HPS1: variants seen among roughly 807,000 people sequenced by gnomAD.
HPS1 encodes BLOC-3 complex member HPS1.
HPS1 carries 59 observed loss-of-function variants against 90.6 expected under a neutral mutation model. The observed-to-expected ratio is 0.65, with a 90% confidence interval of 0.53 to 0.81. HPS1 has a LOEUF of 0.81. Among genes scored for constraint, HPS1 ranks in the 30% least tolerant of loss-of-function variants. HPS1 has a pLI of 0.00. For missense variants in HPS1, 849 were observed against 896.7 expected (o/e 0.95, Z 0.68); for synonymous variants, 388 against 384.4 (o/e 1.01, Z -0.11).
Position 98,435,615 on chromosome 10 carries a change from C to T in HPS1, c.255+20G>A, listed in dbSNP as rs762289561. 11 of 1,613,810 alleles carry T rather than the reference C, an allele frequency of 6.8e-6. No individual in the cohort carries two copies. The East Asian group carries it at 8.9e-5, about 13-fold the overall frequency. On this transcript the variant is annotated intron_variant, in intron 4 of 19. Transcript: ENST00000361490. This position sits in a 1 kb window ranked among gnomAD's most constrained non-coding sequence, Gnocchi z 4.3. The stretch of plus-strand genomic sequence containing the variant: ...CAAGCTGAGGGAAGAGGAACATGGG[C>T]CCCAGAGCTATAGACTCACCAGGTG...
chr10:98,431,460 T>G, intron 6 of HPS1, 169 bp from the exon 7 acceptor site: 2 of 663,908 alleles, frequency 3.0e-6, no homozygotes, highest in South Asian at 3.8e-5. Flanking sequence ...TCCTGAGGCT[T>G]ACTGTCTGGT....
At chr10:98,431,059 TC>T (rs1251628648) in intron 7 of HPS1, 71 bp downstream of exon 7, 2 of 1,521,454 alleles carry the variant, frequency 1.3e-6, no homozygotes, top group Admixed American at 1.8e-5. Flanking sequence ...GTGGTGCTTT[TC>T]AGGCAGAGGC....
In HPS1 at chr10:98,418,255, C is replaced by G; in HGVS notation, c.1860G>C (p.Gly620=). 6.2e-7 allele frequency: 1 copy of G among 1,602,360 alleles called. No homozygotes were observed. The highest frequency in any genetic ancestry group is 1.7e-5 in the Admixed American group (1 of 59,562). ...SYFLWFENDM[G]YKLQMIEVPV... ...GCACCTCGATCATCTGGAGTTTGTA[C>G]CCCTGAGGAGGGAGGACAGGGAGGC... Residue 620 remains glycine, a splice_region_variant and synonymous_variant, in exon 19 of 20, where the codon GGG becomes GGC. Transcript: ENST00000361490.
intron 18 of HPS1, 69 bp downstream of exon 18, chr10:98,419,976 G>A (rs746142892): frequency 1.3e-5 from 13 of 989,170 alleles, no homozygotes; most frequent in Non-Finnish European, 2.0e-5. Context: ...TCAGAAGAAA[G>A]GAATCCAAGA....
In HPS1 at chr10:98,429,839, G is replaced by A. The variant is rs775779922; in HGVS notation, c.819C>T (p.Ala273=). 1.3e-5 allele frequency: 21 copies of A among 1,613,494 alleles called. No individual in the cohort carries two copies. The highest frequency in any genetic ancestry group is 1.8e-5 in the Non-Finnish European group (21 of 1,180,030). The change falls in exon 9 of 20, where the codon GCC becomes GCT. Residue 273 remains alanine (A), a synonymous_variant. Coordinates refer to ENST00000361490, the MANE Select transcript of HPS1 (RefSeq NM_000195.5). ...TTGGGCCCGTGGAGTGAGGGCTCCA[G>A]GCCTGCTGCACGGGGATGTTCTGGC... The part of the protein sequence containing the change: ...RSSQNIPVQQ[A]WSPHSTGPTG...
downstream of HPS1, chr10:98,414,944 C>A (rs1564815960): frequency 1.3e-6 from 2 of 1,565,164 alleles, no homozygotes; most frequent in African/African-American, 1.4e-5. Flanking sequence ...CCCCTCCCCA[C>A]CAAGCTCTGA....
chr10:98,426,005 G>A lies in HPS1; in HGVS notation c.988-20C>T. The A allele has an allele frequency of 6.2e-7, 1 of 1,612,368 alleles. No individual in the cohort carries two copies. Among genetic ancestry groups the A allele is most frequent in the South Asian group, 1.1e-5 (1 of 91,040 alleles). On this transcript the variant is annotated intron_variant, in intron 11 of 19. Coordinates refer to ENST00000361490, the MANE Select transcript of HPS1 (RefSeq NM_000195.5). ...TGCTATCTACAGAGGAAGAAGAGCT[G>A]CAGTGAGAGGTGGGATCCCTAAGTT... is the stretch of plus-strand genomic sequence containing the variant.
At position 98,428,124 on chromosome 10, in the gene HPS1, C is replaced by A. The variant is rs1845856822; in HGVS notation, c.938-860G>T. Among the ~76,000 whole-genome samples, 4 of 152,306 alleles carry A rather than the reference C, an allele frequency of 2.6e-5. No homozygotes were observed. In the South Asian group the frequency reaches 8.3e-4, roughly 32 times the overall value. On this transcript the variant is annotated intron_variant, in intron 10 of 19. Coordinates refer to ENST00000361490, the MANE Select transcript of HPS1 (RefSeq NM_000195.5). ...CAACAGGTCTCAGGCTCATCAAGAG[C>A]TCAGGGAATCTGAAGATAGCTAGGA...
chr10:98,422,219 G>C (rs1167247138), intron 17 of HPS1, 150 bp downstream of exon 17: 14 of 775,492 alleles, frequency 1.8e-5, no homozygotes, highest in Admixed American at 1.0e-4. Context: ...AATACTTGTC[G>C]AGCATTTATT....
At chr10:98,431,502 A>C (rs1846473359) in intron 6 of HPS1, 4 of 602,438 alleles carry the variant, frequency 6.6e-6, no homozygotes, top group Non-Finnish European at 1.2e-5. Context: ...GCAAGGCAAT[A>C]CACAAGGAAA....
chr10:98,422,272 C>A (rs940236455), intron 17 of HPS1, 97 bp downstream of exon 17: 7 of 1,356,564 alleles, frequency 5.2e-6, no homozygotes, highest in Admixed American at 3.4e-5. Flanking sequence ...TGCTGCCCAG[C>A]GCACTCTGCT....
chr10:98,426,170 C>G, intron 11 of HPS1, 185 bp from the exon 12 acceptor site: 2 of 604,410 alleles, frequency 3.3e-6, no homozygotes, highest in South Asian at 3.9e-5. Context: ...TCTCCCTCAG[C>G]TGCTCCTGGG....
Position 98,422,453 on chromosome 10 carries a change from C to A in HPS1, c.1659G>T (p.Gln553His). 1 of 1,614,108 alleles carries A rather than the reference C, an allele frequency of 6.2e-7. No homozygotes were observed. The highest frequency in any genetic ancestry group is 1.3e-5 in the African/African-American group (1 of 75,068). ...TGCAGTTGAGGGAAGGCGCCACCAT[C>A]TGCCCAGTGGTGCGGTCCACATAGA... is the stretch of plus-strand genomic sequence containing the variant. ...HFIYVDRTTG[Q>H]MVAPSLNCSQ... The change falls in exon 17 of 20, where the codon CAG becomes CAT. Residue 553 changes from glutamine (Q) to histidine (H), a missense_variant. Transcript: ENST00000361490.
Position 98,443,117 on chromosome 10 carries a change from C to G in HPS1, c.117+7G>C. On this transcript the variant is annotated splice_region_variant and intron_variant, in intron 3 of 19. Transcript: ENST00000361490. ...ACCCCTCCTGGGACTGCCTACCCTG[C>G]ACTCACCTCTTCTTCCTCATTCTCT... 1 of 1,584,576 alleles carries G rather than the reference C, an allele frequency of 6.3e-7. No homozygotes were observed. Among genetic ancestry groups the G allele is most frequent in the Non-Finnish European group, 8.7e-7 (1 of 1,153,116 alleles).
chr10:98,423,716 C>T, intron 15 of HPS1, 37 bp downstream of exon 15: 1 of 1,614,104 alleles, frequency 6.2e-7, no homozygotes, highest in South Asian at 1.1e-5. Flanking sequence ...GGCCCCAGAC[C>T]CTGCCCTGGC....
chr10:98,431,144 C>A lies in HPS1; in HGVS notation c.655G>T (p.Ala219Ser), dbSNP rs755619001. Reference protein sequence around the residue: ...AFLLVHSKLLAFYSSHSASSL... With the variant: ...AFLLVHSKLLSFYSSHSASSL... ...CCTTGAGCTCACCTAGAGTAGAATG[C>A]CAGCAGCTTGGAGTGCACGAGCAGG... The change falls in exon 7 of 20, where the codon GCA becomes TCA. Residue 219 changes from alanine to serine, a missense_variant. Physicochemically the swap from Ala to Ser is moderately conservative, Grantham distance 99. Coordinates refer to ENST00000361490, the MANE Select transcript of HPS1 (RefSeq NM_000195.5). The A allele has an allele frequency of 1.9e-6, 3 of 1,614,108 alleles. No homozygotes were observed. Among genetic ancestry groups the A allele is most frequent in the Admixed American group, 3.3e-5 (2 of 60,018 alleles).
chr10:98,426,287 T>TG (rs1264651752), intron 11 of HPS1, among the ~76,000 whole-genome samples: 1 of 152,088 alleles, frequency 6.6e-6, no homozygotes, highest in African/African-American at 2.4e-5. Context: ...CACTCGTGGA[T>TG]GGGGAGTGGA....
At chr10:98,414,937 C>T, downstream of HPS1, 4 of 1,559,906 alleles carry the variant, frequency 2.6e-6, no homozygotes, top group South Asian at 2.4e-5. Flanking sequence ...CCCCCTCCCC[C>T]TCCCCACCAA....
At chr10:98,415,810 T>C (rs1844030626), downstream of HPS1, among the ~76,000 whole-genome samples, 2 of 152,236 alleles carry the variant, frequency 1.3e-5, no homozygotes. Context: ...GTTCGCTGTC[T>C]GTAATTCTCT....
Sources: gnomAD v4.1 joint callset for allele counts (sites outside exome capture counted in the v4.1 genomes callset) on GRCh38, gnomAD v4.1.1 for gene constraint, Gnocchi (gnomAD v3.1) non-coding constraint, MANE v1.5 for transcripts, NCBI Gene and HGNC (gene_info 2026-07-23, HGNC 2026-07-21) for gene names.